MRI1: variants seen among roughly 807,000 people sequenced by gnomAD.
MRI1 encodes methylthioribose-1-phosphate isomerase 1.
Under a neutral mutation model 27.3 loss-of-function variants are expected in MRI1, and 32 were observed. The observed-to-expected ratio is 1.17, with a 90% CI of 0.88 to 1.57. The LOEUF (loss-of-function observed/expected upper bound fraction) is 1.57. Among genes scored for constraint, MRI1 ranks in the 40% most tolerant of loss-of-function variants. The pLI is 0.00. For missense variants in MRI1, 508 were observed against 516.1 expected (o/e 0.98, Z 0.15); for synonymous variants, 216 against 227.4 (o/e 0.95, Z 0.45).
chr19:13,766,360 C>G (rs554443772), intron 3 of MRI1, among the ~76,000 whole-genome samples: 1 of 152,284 alleles, frequency 6.6e-6, no homozygotes, highest in South Asian at 2.1e-4. Context: ...CCTTCATCTT[C>G]AGGTTCCATG....
In MRI1 at chr19:13,764,881, C is replaced by A; in HGVS notation, c.143C>A (p.Ala48Asp). The change falls in exon 2 of 6, where the codon GCC becomes GAC. Residue 48 changes from alanine (A) to aspartate (D), a missense_variant. Coordinates refer to ENST00000040663, the MANE Select transcript of MRI1 (RefSeq NM_001031727.4). ...ATCCCTGCCCCGCAGGTGCGGGGCG[C>A]CCCGGCCATAGCCCTGGTGGGCTGT... ...EAIRAMKVRG[A>D]PAIALVGCLS... 1 of 1,359,150 alleles carries A rather than the reference C, an allele frequency of 7.4e-7. No individual in the cohort carries two copies. Among genetic ancestry groups the A allele is most frequent in the Non-Finnish European group, 9.4e-7 (1 of 1,059,454 alleles). The allele number at this position is 1,359,150 out of a possible 1,614,324, so 84.2% of individuals were successfully genotyped here.
chr19:13,769,034 G>T lies in MRI1; in HGVS notation c.935G>T (p.Arg312Leu). Reference sequence around the variant, plus strand: ...GAGCTGACCGATGTTAATGGGGTCCGGATTGCAGCACCTGGTAAGCTGCCC... The same window carrying T: ...GAGCTGACCGATGTTAATGGGGTCCTGATTGCAGCACCTGGTAAGCTGCCC... ...GQELTDVNGV[R>L]IAAPGIGVWN... is the part of the protein sequence containing the mutation. The change falls in exon 5 of 6, where the codon CGG becomes CTG. Residue 312 changes from arginine to leucine, a missense_variant. Physicochemically the swap from Arg to Leu is moderately radical, Grantham distance 102. Coordinates refer to ENST00000040663, the MANE Select transcript of MRI1 (RefSeq NM_001031727.4). 2 of 1,608,758 alleles carry T rather than the reference G, an allele frequency of 1.2e-6. No homozygotes were observed. The highest frequency in any genetic ancestry group is 1.7e-6 in the Non-Finnish European group (2 of 1,176,378).
chr19:13,765,136 C>A lies in MRI1; in HGVS notation c.371+27C>A, dbSNP rs774220863. The A allele has an allele frequency of 1.1e-5, 16 of 1,486,350 alleles. No individual in the cohort carries two copies. In the South Asian group the frequency reaches 2.0e-4, roughly 19 times the overall value. The allele number at this position is 1,486,350 out of a possible 1,614,324, so 92.1% of individuals were successfully genotyped here. ...TACGGGGATCTGGTACCAGGCACGGCGCTGAGCAGGAATTATATTGACTCT... is the reference window on the plus strand; with the variant it reads ...TACGGGGATCTGGTACCAGGCACGGAGCTGAGCAGGAATTATATTGACTCT... On this transcript the variant is annotated intron_variant, in intron 2 of 5. Coordinates refer to ENST00000040663, the MANE Select transcript of MRI1 (RefSeq NM_001031727.4).
Position 13,768,613 on chromosome 19 carries a change from A to G in MRI1, c.600A>G (p.Thr200=), listed in dbSNP as rs757604262. 6.1e-5 allele frequency: 98 copies of G among 1,612,764 alleles called. No individual in the cohort carries two copies. The highest frequency in any genetic ancestry group is 7.7e-5 in the Non-Finnish European group (91 of 1,179,698). ...GCCGCCTGGAGCATGCCTTCTGCAC[A>G]GAGACCCGGCCCTACAACCAGGGAG... The part of the protein sequence containing the change: ...SLGRLEHAFC[T]ETRPYNQGAR... The change falls in exon 4 of 6, where the codon ACA becomes ACG. Residue 200 remains threonine, a synonymous_variant. Transcript: ENST00000040663.
At position 13,765,054 on chromosome 19, in the gene MRI1, G is replaced by T; in HGVS notation, c.316G>T (p.Val106Phe). Residue 106 changes from valine (V) to phenylalanine (F), a missense_variant, in exon 2 of 6, where the codon GTT becomes TTT. Val to Phe is a conservative substitution (Grantham distance 50). This residue lies in a region of MRI1 where 457 missense variants were observed against 452.8 expected (regional missense o/e 1.01). Coordinates refer to ENST00000040663, the MANE Select transcript of MRI1 (RefSeq NM_001031727.4). ...MARAARDLAD[V>F]AAREAEREGA... ...CCGCGCCGCCCGCGACCTGGCTGAT[G>T]TTGCAGCCCGGGAGGCCGAACGGGA... is the stretch of plus-strand genomic sequence containing the variant. 2 of 1,523,390 alleles carry T rather than the reference G, an allele frequency of 1.3e-6. No individual in the cohort carries two copies. The highest frequency in any genetic ancestry group is 2.6e-5 in the East Asian group (1 of 38,966). 94.4% of individuals were successfully genotyped at this position (1,523,390 alleles called of 1,614,324 possible).
chr19:13,766,499 G>A (rs1010470479), intron 3 of MRI1, among the ~76,000 whole-genome samples: 2 of 152,138 alleles, frequency 1.3e-5, no homozygotes, highest in East Asian at 1.9e-4. Flanking sequence ...GATGGGCCCC[G>A]CCTGAGCCAT....
Position 13,768,941 on chromosome 19 carries a change from C to T in MRI1, c.842C>T (p.Pro281Leu). ...HHGIPFYVAA[P>L]SSSCDLRLET... ...GGCATTCCCTTCTACGTGGCTGCCC[C>T]CAGCTCTTCATGTGACCTCCGTCTG... The change falls in exon 5 of 6, where the codon CCC (proline) becomes CTC (leucine). Residue 281 changes from proline (P) to leucine (L), a missense_variant. This residue lies in a region of MRI1 where 457 missense variants were observed against 452.8 expected (regional missense o/e 1.01). Coordinates refer to ENST00000040663, the MANE Select transcript of MRI1 (RefSeq NM_001031727.4). The T allele has an allele frequency of 6.2e-7, 1 of 1,614,138 alleles. No individual in the cohort carries two copies. The highest frequency in any genetic ancestry group is 8.5e-7 in the Non-Finnish European group (1 of 1,180,008).
chr19:13,767,636 C>T (rs1326793632), intron 3 of MRI1, among the ~76,000 whole-genome samples: 3 of 113,168 alleles, frequency 2.7e-5, no homozygotes, highest in Non-Finnish European at 5.3e-5. Context: ...AAAACCCCAT[C>T]TCTACAAAAA....
chr19:13,765,917 C>T, intron 2 of MRI1, 37 bp from the exon 3 acceptor site: 1 of 1,552,922 alleles, frequency 6.4e-7, no homozygotes, highest in Non-Finnish European at 8.7e-7. Context: ...GGCCCCGGGT[C>T]CTGGTGGCTG....
Position 13,772,338 on chromosome 19 carries a change from G to A in MRI1, c.*57G>A, listed in dbSNP as rs1974286559. ...GGTTTTTCAATACATTTCTTGAATG[G>A]CTACCCAAAAGCTGACCGTCCAGCC... On this transcript the variant is annotated 3_prime_UTR_variant, in exon 6 of 6. Coordinates refer to ENST00000040663, the MANE Select transcript of MRI1 (RefSeq NM_001031727.4). The A allele has an allele frequency of 1.3e-6, 2 of 1,545,876 alleles. No homozygotes were observed. The highest frequency in any genetic ancestry group is 1.2e-5 in the South Asian group (1 of 84,224).
In MRI1 at chr19:13,768,250, G is replaced by A. The variant is rs1478041124; in HGVS notation, c.548-311G>A. 9 of 714,344 alleles carry A rather than the reference G, an allele frequency of 1.3e-5. No homozygotes were observed. In the East Asian group the frequency reaches 2.4e-4, roughly 19 times the overall value. The allele number at this position is 714,344 out of a possible 1,614,324, so 44.3% of individuals were successfully genotyped here. On this transcript the variant is annotated intron_variant, in intron 3 of 5. Transcript: ENST00000040663. ...GGCTGCCTGTACACATGAGGTGTTA[G>A]AAGGTGATAAATGCTAAGGACAGAG...
In MRI1 at chr19:13,768,862, G is replaced by A. The variant is rs1269342746; in HGVS notation, c.763G>A (p.Asp255Asn). The A allele has an allele frequency of 6.2e-6, 10 of 1,611,486 alleles. 1 individual carries two copies. The Middle Eastern group carries it at 5.0e-4, about 80-fold the overall frequency. Residue 255 changes from aspartate to asparagine, a missense_variant, in exon 5 of 6, where the codon GAC (aspartate) becomes AAC (asparagine). Asp to Asn is a conservative substitution (Grantham distance 23, BLOSUM62 1). Transcript: ENST00000040663. ...AGCTGACCGCGTGGTTGCCAACGGC[G>A]ACACAGCCAACAAGGTGGGCACCTA... Reference protein sequence around the residue: ...VGADRVVANGDTANKVGTYQL... With the variant: ...VGADRVVANGNTANKVGTYQL...
rs759984089 is a variant in MRI1 at position 13,768,850 on chromosome 19, G to A, written c.751G>A (p.Val251Ile). The A allele has an allele frequency of 1.7e-5, 28 of 1,610,498 alleles. No homozygotes were observed. The highest frequency in any genetic ancestry group is 2.2e-5 in the Non-Finnish European group (26 of 1,177,568). The change falls in exon 5 of 6, where the codon GTT becomes ATT. Residue 251 changes from valine to isoleucine, a missense_variant. Transcript: ENST00000040663. ...SAVVVGADRVVANGDTANKVG... is the reference protein window; with the variant it reads ...SAVVVGADRVIANGDTANKVG... ...TGTGGTCGTGGGAGCTGACCGCGTGGTTGCCAACGGCGACACAGCCAACAA... is the reference window on the plus strand; with the variant it reads ...TGTGGTCGTGGGAGCTGACCGCGTGATTGCCAACGGCGACACAGCCAACAA...
intron 3 of MRI1, among the ~76,000 whole-genome samples, chr19:13,766,756 T>C (rs1568307917): frequency 6.6e-6 from 1 of 151,900 alleles, no homozygotes; most frequent in Non-Finnish European, 1.5e-5. Context: ...TCACCCAGCA[T>C]TTAGTAAGCA....
rs776492153 is a variant in MRI1, at chr19:13,764,702, G to A, written c.114G>A (p.Glu38=). 9.2e-6 allele frequency: 14 copies of A among 1,529,024 alleles called. No individual in the cohort carries two copies. In the African/African-American group the frequency reaches 1.0e-4, roughly 11 times the overall value. 94.7% of individuals were successfully genotyped at this position (1,529,024 alleles called of 1,614,324 possible). A position where few individuals can be genotyped will look rare whatever the true frequency, so the allele number is the denominator to read the frequency against. Residue 38 remains glutamate (E), a synonymous_variant, in exon 1 of 6, where the codon GAG becomes GAA. Coordinates refer to ENST00000040663, the MANE Select transcript of MRI1 (RefSeq NM_001031727.4). ...EAVGSVHQAW[E]AIRAMKVRGA... ...TGGGCTCGGTGCACCAGGCCTGGGAGGCCATCCGCGCCATGAAGGTGCAGC... is the reference window on the plus strand; with the variant it reads ...TGGGCTCGGTGCACCAGGCCTGGGAAGCCATCCGCGCCATGAAGGTGCAGC...
intron 3 of MRI1, 187 bp from the exon 4 acceptor site, chr19:13,768,374 A>G (rs1405859027): frequency 6.1e-6 from 9 of 1,485,120 alleles, no homozygotes; most frequent in South Asian, 2.4e-5. Flanking sequence ...AAACGGAGCT[A>G]TGCGAGCATT....
intron 5 of MRI1, among the ~76,000 whole-genome samples, chr19:13,770,281 T>G (rs529484256): frequency 5.3e-5 from 8 of 152,346 alleles, no homozygotes; most frequent in South Asian, 4.1e-4. Flanking sequence ...GATCAATGAC[T>G]GGCCCTTTAA....
At chr19:13,766,506 C>G (rs989570805) in intron 3 of MRI1, among the ~76,000 whole-genome samples, 3 of 152,140 alleles carry the variant, frequency 2.0e-5, no homozygotes, top group African/African-American at 7.2e-5. Flanking sequence ...CCCGCCTGAG[C>G]CATATGCCTA....
rs1393787743 is a variant in MRI1, at chr19:13,766,126, C to G, written c.544C>G (p.Leu182Val). ...GGCCACCGCTGGCTATGGTACAGCC[C>G]TAGGTGAGAGGGCCTCCTCAGGGGG... ...ALATAGYGTA[L>V]GVIRSLHSLG... The change falls in exon 3 of 6, where the codon CTA becomes GTA. Residue 182 changes from leucine (L) to valine (V), a missense_variant. Leu to Val is a conservative substitution (Grantham distance 32). Around this residue, in one of 3 missense-constraint regions of MRI1, gnomAD observed 457 missense variants for 452.8 expected, o/e 1.01. Transcript: ENST00000040663. 2 of 1,550,608 alleles carry G rather than the reference C, an allele frequency of 1.3e-6. No individual in the cohort carries two copies. Among genetic ancestry groups the G allele is most frequent in the Non-Finnish European group, 1.7e-6 (2 of 1,145,404 alleles).
Sources: gnomAD v4.1 joint callset for allele counts (sites outside exome capture counted in the v4.1 genomes callset) on GRCh38, gnomAD v4.1.1 for gene constraint, gnomAD v4.1.1 regional missense constraint, MANE v1.5 for transcripts, NCBI Gene and HGNC (gene_info 2026-07-23, HGNC 2026-07-21) for gene names.